Variants in PCDH15 observed in about 807,000 individuals in gnomAD.
The protein encoded by PCDH15 is protocadherin related 15.
PCDH15 carries 129 observed loss-of-function variants against 178.5 expected under a neutral mutation model. That is an observed-to-expected ratio of 0.72 (90% confidence interval 0.63 to 0.84). The LOEUF (loss-of-function observed/expected upper bound fraction) is 0.84. Among genes scored for constraint, PCDH15 ranks in the 40% least tolerant of loss-of-function variants. The probability of loss-of-function intolerance (pLI) is 0.00; values close to 1 mark genes in which losing one functional copy is unlikely to be tolerated. For synonymous variants in PCDH15, 800 were observed against 732.0 expected (o/e 1.09, Z -1.50); for missense variants, 2,230 against 2,099.9 (o/e 1.06, Z -1.21).
chr10:54,807,605 G>C (rs1287318151), intron 3 of PCDH15, among the ~76,000 whole-genome samples: 1 of 150,816 alleles, frequency 6.6e-6, no homozygotes, highest in African/African-American at 2.4e-5. Context: ...GAAAATTCCA[G>C]AGAAGATTAC....
chr10:54,131,068 A>AT lies in PCDH15; in HGVS notation c.1917+1806dup, dbSNP rs2042397648. On this transcript the variant is annotated intron_variant, in intron 15 of 37. Transcript: ENST00000644397. The stretch of plus-strand genomic sequence containing the variant: ...GGTGAATAGAAATGTCATTTCAAGT[A>AT]TTTTTTCAGCCTTTGTACCAGAGAA... Among the ~76,000 whole-genome samples, 4 of 152,106 alleles carry AT rather than the reference A, an allele frequency of 2.6e-5. No individual in the cohort carries two copies. The South Asian group carries it at 8.3e-4, about 31-fold the overall frequency.
At chr10:53,910,674 G>T (rs959633902) in intron 25 of PCDH15, among the ~76,000 whole-genome samples, 81 of 152,148 alleles carry the variant, frequency 5.3e-4, no homozygotes, top group African/African-American at 1.9e-3. Flanking sequence ...TTGATGAGTT[G>T]ACAGAAGTAG....
intron 2 of PCDH15, among the ~76,000 whole-genome samples, chr10:55,005,174 C>A (rs2131935543): frequency 7.4e-6 from 1 of 134,886 alleles, no homozygotes; most frequent in Non-Finnish European, 1.6e-5. Context: ...AAGTTTGAGA[C>A]AAGTCTGGGT....
intron 20 of PCDH15, among the ~76,000 whole-genome samples, chr10:54,016,740 A>T (rs2092753289): frequency 6.6e-6 from 1 of 152,186 alleles, no homozygotes. Context: ...GAGGGTGGAC[A>T]GATGGAGGAG....
intron 2 of PCDH15, among the ~76,000 whole-genome samples, chr10:54,941,301 CCT>C (rs1009909818): frequency 1.3e-5 from 2 of 152,046 alleles, no homozygotes; most frequent in Admixed American, 6.6e-5. Context: ...CCTTTCTACC[CCT>C]CTTTTTTGTG....
chr10:54,719,864 T>TC lies in PCDH15; in HGVS notation c.-28-55575_-28-55574insG, dbSNP rs1566031355. 2.6e-5 allele frequency among the ~76,000 whole-genome samples: 4 copies of TC among 152,034 alleles called. No individual in the cohort carries two copies. The South Asian group carries it at 6.2e-4, about 24-fold the overall frequency. On this transcript the variant is annotated intron_variant, in intron 1 of 37. Coordinates refer to ENST00000644397, the MANE Select transcript of PCDH15 (RefSeq NM_001384140.1). Reference sequence around the variant, plus strand: ...CCTCCAAATGACATGATCTCATTCTTTTTATGGCTGCATAGTATTCCATGG... The same window carrying TC: ...CCTCCAAATGACATGATCTCATTCTTCTTTATGGCTGCATAGTATTCCATGG...
intron 23 of PCDH15, 86 bp downstream of exon 23, chr10:53,959,646 A>C: frequency 9.7e-7 from 1 of 1,027,842 alleles, no homozygotes; most frequent in Non-Finnish European, 1.5e-6. Flanking sequence ...TCTACTCATA[A>C]ATTCATATTA....
Position 54,132,880 on chromosome 10 carries a change from G to A in PCDH15, c.1912C>T (p.Leu638=), listed in dbSNP as rs763230126. The A allele has an allele frequency of 2.9e-5, 47 of 1,611,784 alleles. 1 individual carries two copies. The highest frequency in any genetic ancestry group is 3.7e-5 in the Non-Finnish European group (44 of 1,178,982). The stretch of plus-strand genomic sequence containing the variant: ...ACACACACCAAGGAACATACCTGTA[G>A]ATTTAATAAAACAGCACCAACCCTC... ...AMRVGAVLLN[L]QATDREGDSI... Residue 638 remains leucine (L), a synonymous_variant, in exon 15 of 38, where the codon CTA becomes TTA. Coordinates refer to ENST00000644397, the MANE Select transcript of PCDH15 (RefSeq NM_001384140.1).
At chr10:54,655,257 AG>A (rs2094358544) in intron 2 of PCDH15, among the ~76,000 whole-genome samples, 1 of 20,260 alleles carries the variant, frequency 4.9e-5, no homozygotes, top group African/African-American at 1.5e-4. Context: ...AAAGAAAGAA[AG>A]AGAGAGAGAG....
At chr10:55,228,105 A>G (rs988757353) in intron 1 of PCDH15, among the ~76,000 whole-genome samples, 8 of 152,094 alleles carry the variant, frequency 5.3e-5, no homozygotes, top group Non-Finnish European at 8.8e-5. Flanking sequence ...ATTTTTCACA[A>G]TCTGTTGAAA....
At chr10:55,580,981 A>G (rs1842602978) in intron 2 of PCDH15, among the ~76,000 whole-genome samples, 1 of 152,216 alleles carries the variant, frequency 6.6e-6, no homozygotes, top group Non-Finnish European at 1.5e-5. Flanking sequence ...TGTGAAAACC[A>G]CAATGAGATA....
intron 13 of PCDH15, among the ~76,000 whole-genome samples, chr10:54,175,903 G>A (rs1235217655): frequency 6.6e-6 from 1 of 151,928 alleles, no homozygotes; most frequent in East Asian, 1.9e-4. Context: ...AATTACCTAT[G>A]ATATAGGTAT....
intron 3 of PCDH15, among the ~76,000 whole-genome samples, chr10:54,837,626 T>C (rs1220162579): frequency 6.6e-6 from 1 of 152,114 alleles, no homozygotes; most frequent in Non-Finnish European, 1.5e-5. Context: ...ATCTAAACTA[T>C]GTAAATTAAA....
intron 2 of PCDH15, among the ~76,000 whole-genome samples, chr10:55,604,534 T>A (rs1257454009): frequency 9.2e-5 from 13 of 140,704 alleles, no homozygotes; most frequent in Non-Finnish European, 1.2e-4. Context: ...ACAGAAATTA[T>A]AACAAACTAT....
intron 23 of PCDH15, among the ~76,000 whole-genome samples, chr10:53,958,141 A>G (rs1228807824): frequency 6.6e-6 from 1 of 152,156 alleles, no homozygotes; most frequent in African/African-American, 2.4e-5. Context: ...CATTCTAAGA[A>G]AGTAAAAAAC....
At position 54,438,964 on chromosome 10, in the gene PCDH15, A is replaced by G. The variant is rs146449765; in HGVS notation, c.158-60022T>C. ...GGTAATTGAGGTCAATGAAGGTTGTAGAGTCACAGAACTTGTCTGGCTACT... is the reference window on the plus strand; with the variant it reads ...GGTAATTGAGGTCAATGAAGGTTGTGGAGTCACAGAACTTGTCTGGCTACT... On this transcript the variant is annotated intron_variant, in intron 3 of 37. Transcript: ENST00000644397. 7.8e-3 allele frequency among the ~76,000 whole-genome samples: 1,184 copies of G among 152,224 alleles called. 16 individuals carry two copies. The highest frequency in any genetic ancestry group is 0.027 in the African/African-American group (1,116 of 41,552).
chr10:54,863,377 C>A (rs1039928927), intron 3 of PCDH15, among the ~76,000 whole-genome samples: 1 of 152,030 alleles, frequency 6.6e-6, no homozygotes, highest in Admixed American at 6.6e-5. Flanking sequence ...CCCGTCTCTA[C>A]TAAAAATACA....
chr10:53,885,960 G>A (rs540268486), intron 26 of PCDH15, among the ~76,000 whole-genome samples: 2 of 152,278 alleles, frequency 1.3e-5, no homozygotes, highest in South Asian at 4.1e-4. Flanking sequence ...TCTGGAAAGA[G>A]AGGCCCAGTA....
At chr10:54,399,260 C>G (rs1471393348) in intron 3 of PCDH15, among the ~76,000 whole-genome samples, 2 of 151,606 alleles carry the variant, frequency 1.3e-5, no homozygotes, top group African/African-American at 4.8e-5. Context: ...CACTGAAGTT[C>G]AGTGTGTAAC....
Sources: allele counts gnomAD v4.1 joint callset (sites outside exome capture counted in the v4.1 genomes callset), GRCh38; gene constraint gnomAD v4.1.1; transcripts MANE v1.5; gene names NCBI Gene and HGNC (gene_info 2026-07-23, HGNC 2026-07-21).